Variants in ALMS1 observed in about 807,000 individuals in gnomAD.
ALMS1 encodes ALMS1 centrosome and basal body associated protein, also known as centrosome-associated protein ALMS1.
A neutral mutation model predicts 352.2 loss-of-function variants in ALMS1; 271 were observed. The observed-to-expected ratio is 0.77, with a 90% CI of 0.70 to 0.85. The LOEUF (loss-of-function observed/expected upper bound fraction) is 0.85, where lower values mean the gene tolerates loss of function less well. Among genes scored for constraint, ALMS1 ranks in the 40% least tolerant of loss-of-function variants. ALMS1 has a pLI of 0.00. For synonymous variants in ALMS1, 1,865 were observed against 1,761.2 expected (o/e 1.06, Z -1.48); for missense variants, 5,445 against 4,870.7 (o/e 1.12, Z -3.51).
chr2:73,392,240 A>G (rs1488914680), intron 1 of ALMS1, among the ~76,000 whole-genome samples: 6 of 145,100 alleles, frequency 4.1e-5, no homozygotes, highest in African/African-American at 7.7e-5. Flanking sequence ...ATCTTTTACT[A>G]TTTCCTTAGG....
At chr2:73,415,603 G>C (rs1253464669) in intron 2 of ALMS1, among the ~76,000 whole-genome samples, 5 of 152,154 alleles carry the variant, frequency 3.3e-5, no homozygotes, top group Admixed American at 2.0e-4. Context: ...CAATAGTTCT[G>C]AGGAGGGAAG....
chr2:73,572,268 A>C lies in ALMS1; in HGVS notation c.10391A>C (p.Glu3464Ala), dbSNP rs762969931. 1 of 1,605,474 alleles carries C rather than the reference A, an allele frequency of 6.2e-7. No individual in the cohort carries two copies. The highest frequency in any genetic ancestry group is 1.1e-5 in the South Asian group (1 of 88,648). The change falls in exon 16 of 23, where the codon GAA becomes GCA. Residue 3464 changes from glutamate (E) to alanine (A), a missense_variant. By Grantham distance (107) the Glu-to-Ala change is moderately radical. Transcript: ENST00000613296. ...ESLQINIEES[E>A]CHSEFENTTR... ...CTTTTTTTCTCCTTTTCAGAGTCCG[A>C]ATGTCATTCAGAATTTGAAAATACT...
In ALMS1 at chr2:73,539,274, G is replaced by C. The variant is rs564458426; in HGVS notation, c.9907+4325G>C. The stretch of plus-strand genomic sequence containing the variant: ...CTGCTGCTGATACCCAGGCAAATAG[G>C]GTCTGGAGTGGACCTCCAGCAAACT... On this transcript the variant is annotated intron_variant, in intron 12 of 22. Transcript: ENST00000613296. Among the ~76,000 whole-genome samples the C allele has an allele frequency of 5.8e-4, 89 of 152,254 alleles. 3 individuals are homozygous for C. In the South Asian group the frequency reaches 0.012, roughly 21 times the overall value.
chr2:73,606,907 A>G (rs6546854), intron 21 of ALMS1, among the ~76,000 whole-genome samples: 46,727 of 152,158 alleles, frequency 0.31, 8,926 homozygotes, highest in African/African-American at 0.54. Context: ...AGGAAAGAAC[A>G]TAGCTCTTTT....
chr2:73,416,914 A>G (rs1484270219), intron 2 of ALMS1, among the ~76,000 whole-genome samples: 1 of 152,192 alleles, frequency 6.6e-6, no homozygotes. Context: ...CCTGGGCAAC[A>G]TAGTGAGACC....
intron 15 of ALMS1, among the ~76,000 whole-genome samples, chr2:73,560,858 G>C (rs764045156): frequency 1.3e-5 from 2 of 152,178 alleles, no homozygotes; most frequent in Non-Finnish European, 2.9e-5. Context: ...AATGTTGAGG[G>C]ATTTAGGAGG....
chr2:73,511,689 C>T (rs1003796702), intron 10 of ALMS1, among the ~76,000 whole-genome samples: 1 of 152,084 alleles, frequency 6.6e-6, no homozygotes, highest in Non-Finnish European at 1.5e-5. Flanking sequence ...GACAGTGGGT[C>T]TCAACTAGGA....
chr2:73,386,057 G>A lies in ALMS1; in HGVS notation c.189G>A (p.Gln63=), dbSNP rs761163393. The change falls in exon 1 of 23, where the codon CAG becomes CAA. Residue 63 remains glutamine (Q), a synonymous_variant. Transcript: ENST00000613296. ...ELDSDSHYGP[Q]HLESIDDEED... The stretch of plus-strand genomic sequence containing the variant: ...ACTCCGACTCTCACTACGGGCCCCA[G>A]CATCTGGAAAGTATAGACGACGAGG... The A allele has an allele frequency of 6.3e-7, 1 of 1,588,500 alleles. No individual in the cohort carries two copies. Among genetic ancestry groups the A allele is most frequent in the Admixed American group, 1.8e-5 (1 of 56,306 alleles).
chr2:73,471,659 A>G (rs777498666), intron 9 of ALMS1, among the ~76,000 whole-genome samples: 2 of 152,000 alleles, frequency 1.3e-5, no homozygotes, highest in Non-Finnish European at 2.9e-5. Flanking sequence ...CAAAACCACA[A>G]TGACTGAACA....
intron 9 of ALMS1, among the ~76,000 whole-genome samples, chr2:73,461,650 A>T (rs1206159924): frequency 6.6e-6 from 1 of 152,168 alleles, no homozygotes; most frequent in African/African-American, 2.4e-5. Context: ...AGATGATCAA[A>T]CTACTCCGAG....
chr2:73,395,088 T>A (rs1488650565), intron 1 of ALMS1, among the ~76,000 whole-genome samples: 1 of 133,444 alleles, frequency 7.5e-6, no homozygotes, highest in Non-Finnish European at 1.6e-5. Flanking sequence ...ATTTTTTTTT[T>A]TTTTTTTTTT....
chr2:73,452,117 G>A lies in ALMS1; in HGVS notation c.5590G>A (p.Glu1864Lys), dbSNP rs1248601686. ...GCACTCTGTCATTTCTTATGAGCAGGAGTTGCCAGATCTTACTGAAGTAAC... is the reference window on the plus strand; with the variant it reads ...GCACTCTGTCATTTCTTATGAGCAGAAGTTGCCAGATCTTACTGAAGTAAC... ...REHSVISYEQ[E>K]LPDLTEVTLK... Residue 1864 changes from glutamate to lysine, a missense_variant, in exon 8 of 23, where the codon GAG (glutamate) becomes AAG (lysine). Glu to Lys is a moderately conservative substitution (Grantham distance 56). Transcript: ENST00000613296. The A allele has an allele frequency of 6.2e-7, 1 of 1,608,726 alleles. No homozygotes were observed. Among genetic ancestry groups the A allele is most frequent in the Middle Eastern group, 1.7e-4 (1 of 6,044 alleles).
Position 73,518,234 on chromosome 2 carries a change from T to C in ALMS1, c.9540-1541T>C, listed in dbSNP as rs568689625. Among the ~76,000 whole-genome samples, 3 of 152,306 alleles carry C rather than the reference T, an allele frequency of 2.0e-5. No homozygotes were observed. The East Asian group carries it at 5.8e-4, about 29-fold the overall frequency. On this transcript the variant is annotated intron_variant, in intron 10 of 22. Coordinates refer to ENST00000613296, the MANE Select transcript of ALMS1 (RefSeq NM_001378454.1). ...GATGCAGTATTTGGTTTTCTGTTCCTGCATTAGTTTGCTAAGGATAATGAC... is the reference window on the plus strand; with the variant it reads ...GATGCAGTATTTGGTTTTCTGTTCCCGCATTAGTTTGCTAAGGATAATGAC...
At position 73,405,395 on chromosome 2, in the gene ALMS1, A is replaced by G. The variant is rs140255105; in HGVS notation, c.325-3227A>G. 1.2e-4 allele frequency among the ~76,000 whole-genome samples: 18 copies of G among 152,016 alleles called. 1 individual carries two copies. In the East Asian group the frequency reaches 2.5e-3, roughly 21 times the overall value. On this transcript the variant is annotated intron_variant, in intron 1 of 22. Coordinates refer to ENST00000613296, the MANE Select transcript of ALMS1 (RefSeq NM_001378454.1). ...GTACAGTTGTTCATAGTATTCTCCT[A>G]TGATCCTTTTTATTTCTATGGCATT...
chr2:73,488,233 C>G (rs1193107326), intron 9 of ALMS1, among the ~76,000 whole-genome samples: 1 of 152,206 alleles, frequency 6.6e-6, no homozygotes, highest in Non-Finnish European at 1.5e-5. Flanking sequence ...GCCCTCAGCC[C>G]TCCCTGCCCC....
chr2:73,607,903 C>A (rs910633846), intron 21 of ALMS1, among the ~76,000 whole-genome samples: 17 of 150,946 alleles, frequency 1.1e-4, no homozygotes, highest in African/African-American at 3.9e-4. Flanking sequence ...ACCTCGTGAT[C>A]CACCCACCTC....
Position 73,424,635 on chromosome 2 carries a change from A to G in ALMS1, c.970A>G (p.Ile324Val). 2 of 1,614,008 alleles carry G rather than the reference A, an allele frequency of 1.2e-6. No individual in the cohort carries two copies. Among genetic ancestry groups the G allele is most frequent in the Non-Finnish European group, 1.7e-6 (2 of 1,179,992 alleles). ...TGAACAAGGGAATAATGAAGAGACT[A>G]TTTCGTCTGTTGATGAACTGAAAAT... ...PSEQGNNEET[I>V]SSVDELKIPK... The change falls in exon 5 of 23, where the codon ATT (isoleucine) becomes GTT (valine). Residue 324 changes from isoleucine to valine, a missense_variant. Coordinates refer to ENST00000613296, the MANE Select transcript of ALMS1 (RefSeq NM_001378454.1).
chr2:73,424,752 G>A lies in ALMS1; in HGVS notation c.1087G>A (p.Asp363Asn). The A allele has an allele frequency of 6.2e-7, 1 of 1,613,904 alleles. No individual in the cohort carries two copies. The change falls in exon 5 of 23, where the codon GAT (aspartate) becomes AAT (asparagine). Residue 363 changes from aspartate (D) to asparagine (N), a missense_variant. Transcript: ENST00000613296. ...DTQWPENNLA[D>N]KDQVSVATSF... The stretch of plus-strand genomic sequence containing the variant: ...ACAGTGGCCTGAAAACAATTTAGCT[G>A]ATAAAGATCAAGTTTCAGTTGCAAC...
Position 73,557,327 on chromosome 2 carries a change from A to G in ALMS1, c.10186A>G (p.Lys3396Glu), listed in dbSNP as rs1473998334. The change falls in exon 14 of 23, where the codon AAA (lysine) becomes GAA (glutamate). Residue 3396 changes from lysine (K) to glutamate (E), a missense_variant. Lys to Glu is a moderately conservative substitution (Grantham distance 56). Transcript: ENST00000613296. ...AVTEAAQAKE[K>E]ESLQKDTADS... is the part of the protein sequence containing the mutation. ...GACTGAGGCTGCCCAGGCTAAAGAA[A>G]AAGAATCTTTGCAGAAAGATACTGC... The G allele has an allele frequency of 3.7e-6, 6 of 1,614,060 alleles. No homozygotes were observed. The highest frequency in any genetic ancestry group is 1.6e-4 in the Middle Eastern group (1 of 6,084).
Sources: gnomAD v4.1 joint callset for allele counts (sites outside exome capture counted in the v4.1 genomes callset) on GRCh38, gnomAD v4.1.1 for gene constraint, MANE v1.5 for transcripts, NCBI Gene and HGNC (gene_info 2026-07-23, HGNC 2026-07-21) for gene names.